The following OGA variants were observed in gnomAD, a reference collection of about 807,000 sequenced individuals.
OGA encodes the protein protein O-GlcNAcase.
In OGA, 21 loss-of-function variants were observed where a neutral mutation model predicts 102.0. That is an observed-to-expected ratio of 0.21 (90% confidence interval 0.15 to 0.30). OGA has a LOEUF of 0.30. OGA is among the 10% of genes least tolerant of loss of function. OGA has a pLI of 1.00. For synonymous variants in OGA, 408 were observed against 378.2 expected, an observed-to-expected ratio of 1.08 and a Z score of -0.91; for missense variants, 765 against 1,107.8, an observed-to-expected ratio of 0.69 and a Z score of 4.39.
intron 1 of OGA, among the ~76,000 whole-genome samples, chr10:101,815,986 A>AAAAAC: frequency 6.7e-6 from 1 of 149,550 alleles, no homozygotes; most frequent in Non-Finnish European, 1.5e-5. Flanking sequence ...AAAAAAAAAA[A>AAAAAC]AAAAGCCAGG....
Position 101,817,868 on chromosome 10 carries a change from C to T in OGA, c.155G>A (p.Gly52Glu). 1 of 1,546,682 alleles carries T rather than the reference C, an allele frequency of 6.5e-7. No homozygotes were observed. Among genetic ancestry groups the T allele is most frequent in the South Asian group, 1.2e-5 (1 of 84,944 alleles). Residue 52 changes from glycine to glutamate, a missense_variant, in exon 1 of 16, where the codon GGG becomes GAG. Physicochemically the swap from Gly to Glu is moderately conservative, Grantham distance 98. This residue lies in a region of OGA where 117 missense variants were observed against 85.7 expected (regional missense o/e 1.36). Transcript: ENST00000361464. ...GAACCGCCGAGCCCCTCCTGCAGCC[C>T]CGGCCACCGCCGCTCCCCCAGCCCC... The part of the protein sequence containing the change: ...PAGAGGAAVA[G>E]AAGGARRFLC...
At chr10:101,807,642 G>T in intron 5 of OGA, 88 bp downstream of exon 5, 1 of 886,666 alleles carries the variant, frequency 1.1e-6, no homozygotes, top group Non-Finnish European at 1.6e-6. Context: ...AAGGAGGAGG[G>T]AAGTGGAGAG....
Position 101,786,599 on chromosome 10 carries a change from A to C in OGA, c.2615-12T>G, listed in dbSNP as rs765732517. On this transcript the variant is annotated splice_polypyrimidine_tract_variant and intron_variant, in intron 15 of 15. Transcript: ENST00000361464. Reference sequence around the variant, plus strand: ...AGCTCCCCGGGAGCCTAGAAATAAAACAAATATTCAAAACATAAATAAGTC... The same window carrying C: ...AGCTCCCCGGGAGCCTAGAAATAAACCAAATATTCAAAACATAAATAAGTC... 162 of 1,568,514 alleles carry C rather than the reference A, an allele frequency of 1.0e-4. No homozygotes were observed. The highest frequency in any genetic ancestry group is 1.4e-4 in the Non-Finnish European group (158 of 1,161,726).
At chr10:101,808,248 T>C (rs1004427480) in intron 4 of OGA, among the ~76,000 whole-genome samples, 5 of 152,218 alleles carry the variant, frequency 3.3e-5, no homozygotes, top group East Asian at 1.9e-4. Flanking sequence ...CCAATGAGCA[T>C]TTCCTTTGAA....
Position 101,804,062 on chromosome 10 carries a change from T to C in OGA, c.752-43A>G, listed in dbSNP as rs1164597645. On this transcript the variant is annotated intron_variant, in intron 6 of 15. Coordinates refer to ENST00000361464, the MANE Select transcript of OGA (RefSeq NM_012215.5). ...CGTTCGTTAAAAGAATCATGGTTCT[T>C]GGCTAGACGCATTGGCTCATAACTG... The C allele has an allele frequency of 3.9e-6, 6 of 1,550,806 alleles. No individual in the cohort carries two copies. In the East Asian group the frequency reaches 9.0e-5, roughly 23 times the overall value.
Position 101,790,108 on chromosome 10 carries a change from T to C in OGA, c.2454+788A>G, listed in dbSNP as rs1357767070. On this transcript the variant is annotated intron_variant, in intron 14 of 15. Transcript: ENST00000361464. ...ACAGGACAGACTTATTAAGAAGTGC[T>C]CCTATCACAAAGTAGACTCTCAAGA... 2.0e-5 allele frequency among the ~76,000 whole-genome samples: 3 copies of C among 152,088 alleles called. No individual in the cohort carries two copies. In the East Asian group the frequency reaches 5.8e-4, roughly 29 times the overall value.
rs1040552805 is a variant in OGA, at chr10:101,784,996, T to C, written c.*1455A>G. The C allele has an allele frequency of 6.6e-6, 1 of 152,238 alleles. No homozygotes were observed. Among genetic ancestry groups the C allele is most frequent in the African/African-American group, 2.4e-5 (1 of 41,444 alleles). 9.4% of individuals were successfully genotyped at this position (152,238 alleles called of 1,614,324 possible). A position where few individuals can be genotyped will look rare whatever the true frequency, so the allele number is the denominator to read the frequency against. ...AGTCACTAGGTACCACTAGGTACAA[T>C]GCTTTAGGGCTCTCTCAAAGCCCAC... On this transcript the variant is annotated 3_prime_UTR_variant, in exon 16 of 16. Transcript: ENST00000361464.
At chr10:101,812,674 A>T in intron 3 of OGA, 1 of 266,894 alleles carries the variant, frequency 3.7e-6, no homozygotes, top group South Asian at 4.8e-5. Flanking sequence ...GGTCCCTTAA[A>T]ATTTGCACCC....
chr10:101,809,741 T>TA (rs1191002793), intron 4 of OGA, among the ~76,000 whole-genome samples: 2 of 125,328 alleles, frequency 1.6e-5, no homozygotes, highest in Non-Finnish European at 3.4e-5. Context: ...GCATTCAAAG[T>TA]AAAAAAAATT....
chr10:101,795,807 A>T (rs943365773), intron 10 of OGA: 1 of 700,862 alleles, frequency 1.4e-6, no homozygotes, highest in Non-Finnish European at 1.8e-6. Context: ...TGATGAGCTT[A>T]AAAAAAATAA....
chr10:101,814,018 T>C (rs904055535), intron 1 of OGA, among the ~76,000 whole-genome samples: 1 of 152,132 alleles, frequency 6.6e-6, no homozygotes, highest in African/African-American at 2.4e-5. Flanking sequence ...AGAATGATAG[T>C]AAAACTGCTT....
In OGA at chr10:101,818,427, C is replaced by G. The variant is rs768569484; in HGVS notation, c.-405G>C. On this transcript the variant is annotated 5_prime_UTR_variant, in exon 1 of 16. Coordinates refer to ENST00000361464, the MANE Select transcript of OGA (RefSeq NM_012215.5). ...TCCCTCTGCTGCTGCCTCCACCGCC[C>G]GCTTCCTGTTTATCCGCACTGCGCT... 7.5e-5 allele frequency: 76 copies of G among 1,009,644 alleles called. No homozygotes were observed. The highest frequency in any genetic ancestry group is 8.4e-5 in the Non-Finnish European group (71 of 845,360). The allele number at this position is 1,009,644 out of a possible 1,614,324, so 62.5% of individuals were successfully genotyped here. A position where few individuals can be genotyped will look rare whatever the true frequency, so the allele number is the denominator to read the frequency against.
At chr10:101,796,231 A>G (rs1167981948) in intron 10 of OGA, among the ~76,000 whole-genome samples, 1 of 152,138 alleles carries the variant, frequency 6.6e-6, no homozygotes, top group East Asian at 1.9e-4. Flanking sequence ...GCCTAAGGGT[A>G]GATGTCTCCC....
intron 12 of OGA, 60 bp from the exon 13 acceptor site, chr10:101,791,499 A>G (rs1394159675): frequency 2.2e-6 from 3 of 1,385,928 alleles, no homozygotes; most frequent in Middle Eastern, 1.8e-4. Context: ...ATCTAACAAT[A>G]TAACTCACAA....
Position 101,800,327 on chromosome 10 carries a change from A to G in OGA, c.1110T>C (p.Thr370=). The G allele has an allele frequency of 6.2e-7, 1 of 1,613,020 alleles. No homozygotes were observed. Among genetic ancestry groups the G allele is most frequent in the Non-Finnish European group, 8.5e-7 (1 of 1,178,900 alleles). ...CCATCTGTGGACTATAGAGTACATC[A>G]GTTTCAATATCTTCATCACTGCCTT... ...ENEGSDEDIE[T]DVLYSPQMAL... Residue 370 remains threonine (T), a synonymous_variant, in exon 8 of 16, where the codon ACT becomes ACC. Transcript: ENST00000361464.
chr10:101,797,728 C>G, intron 10 of OGA: 1 of 585,756 alleles, frequency 1.7e-6, no homozygotes, highest in Middle Eastern at 4.5e-4. Flanking sequence ...AAGTTAAAGT[C>G]AGTACTTTCT....
rs770707786 is a variant in OGA at position 101,817,870 on chromosome 10, G to T, written c.153C>A (p.Ala51=). The T allele has an allele frequency of 2.6e-6, 4 of 1,547,798 alleles. No homozygotes were observed. The highest frequency in any genetic ancestry group is 3.5e-6 in the Non-Finnish European group (4 of 1,149,850). ...NPAGAGGAAV[A]GAAGGARRFL... The stretch of plus-strand genomic sequence containing the variant: ...ACCGCCGAGCCCCTCCTGCAGCCCC[G>T]GCCACCGCCGCTCCCCCAGCCCCGG... The change falls in exon 1 of 16, where the codon GCC becomes GCA. Residue 51 remains alanine (A), a synonymous_variant. Coordinates refer to ENST00000361464, the MANE Select transcript of OGA (RefSeq NM_012215.5).
At chr10:101,807,129 C>G (rs1008871479) in intron 5 of OGA, among the ~76,000 whole-genome samples, 2 of 152,118 alleles carry the variant, frequency 1.3e-5, no homozygotes, top group African/African-American at 2.4e-5. Flanking sequence ...GTTCTCGGCT[C>G]ACAATACACA....
At position 101,807,896 on chromosome 10, in the gene OGA, A is replaced by G. The variant is rs2135080461; in HGVS notation, c.486T>C (p.Ser162=). The change falls in exon 5 of 16, where the codon TCT becomes TCC. Residue 162 remains serine (S), a synonymous_variant. Transcript: ENST00000361464. ...STLKRKLDQV[S]QFGCRSFALL... is the part of the protein sequence containing the mutation. ...AAGCAAATGATCTGCACCCAAACTG[A>G]GAAACCTAGGAGAAAAAAAAAAAAA... 6.5e-7 allele frequency: 1 copy of G among 1,528,028 alleles called. No homozygotes were observed. Among genetic ancestry groups the G allele is most frequent in the South Asian group, 1.3e-5 (1 of 77,028 alleles). The allele number at this position is 1,528,028 out of a possible 1,614,324, so 94.7% of individuals were successfully genotyped here. A position where few individuals can be genotyped will look rare whatever the true frequency, so the allele number is the denominator to read the frequency against.
Sources: allele counts gnomAD v4.1 joint callset (sites outside exome capture counted in the v4.1 genomes callset), GRCh38; gene constraint gnomAD v4.1.1; regional missense constraint gnomAD v4.1.1; transcripts MANE v1.5; gene names NCBI Gene and HGNC (gene_info 2026-07-23, HGNC 2026-07-21).